STAG1: variants seen among roughly 807,000 people sequenced by gnomAD.
STAG1 encodes STAG1 cohesin complex component.
Under a neutral mutation model 170.9 loss-of-function variants are expected in STAG1, and 26 were observed. The ratio of observed to expected loss-of-function variants is 0.15; its 90% confidence interval spans 0.11 to 0.21. The LOEUF (loss-of-function observed/expected upper bound fraction) is 0.21. Ranked by LOEUF, STAG1 falls within the 10% of genes least tolerant of loss-of-function variation. The probability of loss-of-function intolerance (pLI) is 1.00; values close to 1 mark genes in which losing one functional copy is unlikely to be tolerated. For synonymous variants in STAG1, 514 were observed against 497.7 expected, an observed-to-expected ratio of 1.03 and a Z score of -0.44; for missense variants, 964 against 1,509.5, an observed-to-expected ratio of 0.64 and a Z score of 5.99.
chr3:136,720,793 A>AAAAAAG (rs753869966), intron 1 of STAG1, among the ~76,000 whole-genome samples: 1 of 152,082 alleles, frequency 6.6e-6, no homozygotes, highest in Non-Finnish European at 1.5e-5. Flanking sequence ...CATCTCAAAA[A>AAAAAAG]AAAAAGAAAA....
intron 9 of STAG1, among the ~76,000 whole-genome samples, chr3:136,479,100 A>C (rs1436004016): frequency 1.5e-5 from 2 of 133,684 alleles, no homozygotes; most frequent in African/African-American, 5.5e-5. Context: ...ATTATACTTT[A>C]AGTTTTAGGG....
intron 1 of STAG1, among the ~76,000 whole-genome samples, chr3:136,719,856 A>G (rs1347012311): frequency 3.9e-5 from 6 of 152,192 alleles, no homozygotes; most frequent in Non-Finnish European, 8.8e-5. Flanking sequence ...TTGTAAGGAT[A>G]AATCCAATCC....
At chr3:136,426,672 C>G (rs1243686414) in intron 16 of STAG1, among the ~76,000 whole-genome samples, 1 of 152,176 alleles carries the variant, frequency 6.6e-6, no homozygotes, top group East Asian at 1.9e-4. Flanking sequence ...GGAATGGTGG[C>G]TCACGCCTGT....
chr3:136,362,647 A>C (rs1037293657), intron 26 of STAG1, among the ~76,000 whole-genome samples: 2 of 151,324 alleles, frequency 1.3e-5, no homozygotes, highest in African/African-American at 4.8e-5. Context: ...AAAGAAAAGA[A>C]ATTTATACGG....
chr3:136,398,859 T>C lies in STAG1; in HGVS notation c.2197-30A>G, dbSNP rs750154893. The C allele has an allele frequency of 4.9e-6, 7 of 1,429,650 alleles. 1 individual carries two copies. The South Asian group carries it at 9.8e-5, about 20-fold the overall frequency. 88.6% of individuals were successfully genotyped at this position (1,429,650 alleles called of 1,614,324 possible). A position where few individuals can be genotyped will look rare whatever the true frequency, so the allele number is the denominator to read the frequency against. On this transcript the variant is annotated intron_variant, in intron 21 of 33. Transcript: ENST00000383202. The stretch of plus-strand genomic sequence containing the variant: ...ATCAAATGAAAAAAAATTTTTTTAA[T>C]GAAAAATTCAAAAAAATGAGATCAT...
chr3:136,492,715 A>G (rs988930139), intron 9 of STAG1, among the ~76,000 whole-genome samples: 1 of 152,248 alleles, frequency 6.6e-6, no homozygotes, highest in African/African-American at 2.4e-5. Context: ...GAAGTCCTTC[A>G]AACTGCAAGG....
intron 13 of STAG1, among the ~76,000 whole-genome samples, chr3:136,458,169 T>C (rs1576485352): frequency 6.6e-6 from 1 of 152,212 alleles, no homozygotes; most frequent in Non-Finnish European, 1.5e-5. Flanking sequence ...TTGTTTGTTT[T>C]GTTTTGAGAG....
intron 16 of STAG1, among the ~76,000 whole-genome samples, chr3:136,428,232 C>G (rs1017021517): frequency 6.6e-6 from 1 of 152,156 alleles, no homozygotes; most frequent in African/African-American, 2.4e-5. Flanking sequence ...AAGCTGCTAA[C>G]TCTCAAAAGC....
In STAG1 at chr3:136,411,041, C is replaced by A. The variant is rs188608703; in HGVS notation, c.2196+6844G>T. 2.6e-4 allele frequency among the ~76,000 whole-genome samples: 40 copies of A among 152,092 alleles called. 1 individual carries two copies. Among genetic ancestry groups the A allele is most frequent in the Admixed American group, 2.5e-3 (38 of 15,250 alleles). Reference sequence around the variant, plus strand: ...CTGCACTCCAGCTTGGGCAGACAAGCGGGGAGCTTAAAATAGTACCTTGTA... The same window carrying A: ...CTGCACTCCAGCTTGGGCAGACAAGAGGGGAGCTTAAAATAGTACCTTGTA... On this transcript the variant is annotated intron_variant, in intron 21 of 33. Transcript: ENST00000383202.
chr3:136,505,244 A>T (rs1415899447), intron 7 of STAG1, among the ~76,000 whole-genome samples: 1 of 152,220 alleles, frequency 6.6e-6, no homozygotes, highest in Non-Finnish European at 1.5e-5. Flanking sequence ...TCAGCTCTTA[A>T]GTGGCTTCTT....
chr3:136,503,585 T>C (rs1933596647), intron 7 of STAG1, among the ~76,000 whole-genome samples: 1 of 152,108 alleles, frequency 6.6e-6, no homozygotes, highest in Non-Finnish European at 1.5e-5. Context: ...AATTTCCCCT[T>C]TTTGCTCCTT....
chr3:136,667,137 T>A (rs1941811631), intron 1 of STAG1, among the ~76,000 whole-genome samples: 1 of 152,116 alleles, frequency 6.6e-6, no homozygotes, highest in Admixed American at 6.6e-5. Flanking sequence ...AACATAAGCT[T>A]TAACAAGGTA....
rs532155238 is a variant in STAG1 at position 136,680,817 on chromosome 3, G to C, written c.-83-49836C>G. The stretch of plus-strand genomic sequence containing the variant: ...ATATATATTACATATACCTATATAC[G>C]TATAAAAGTATACATTTATATATAC... On this transcript the variant is annotated intron_variant, in intron 1 of 33. Coordinates refer to ENST00000383202, the MANE Select transcript of STAG1 (RefSeq NM_005862.3). Among the ~76,000 whole-genome samples, 6 of 151,026 alleles carry C rather than the reference G, an allele frequency of 4.0e-5. No individual in the cohort carries two copies. The South Asian group carries it at 1.3e-3, about 32-fold the overall frequency.
At chr3:136,602,031 T>A (rs1938697911) in intron 4 of STAG1, among the ~76,000 whole-genome samples, 2 of 152,096 alleles carry the variant, frequency 1.3e-5, no homozygotes, top group Admixed American at 1.3e-4. Flanking sequence ...TAATACAATA[T>A]GCATGAAAAT....
chr3:136,527,266 A>G (rs1576569051), intron 6 of STAG1, among the ~76,000 whole-genome samples: 1 of 152,126 alleles, frequency 6.6e-6, no homozygotes, highest in South Asian at 2.1e-4. Context: ...CCATAGTCCC[A>G]TATTTCTTGG....
At chr3:136,340,350 G>A (rs747201536) in intron 32 of STAG1, 141 bp downstream of exon 32, 21 of 561,906 alleles carry the variant, frequency 3.7e-5, no homozygotes, top group Admixed American at 2.9e-4. Flanking sequence ...TCGAACTCCC[G>A]ACCTCAGGTG....
At chr3:136,643,658 A>G (rs1940883971) in intron 1 of STAG1, among the ~76,000 whole-genome samples, 1 of 152,150 alleles carries the variant, frequency 6.6e-6, no homozygotes, top group Non-Finnish European at 1.5e-5. Context: ...ACAGGCACAC[A>G]CCACCACACC....
intron 4 of STAG1, among the ~76,000 whole-genome samples, chr3:136,575,455 G>C (rs2107771166): frequency 6.6e-6 from 1 of 152,194 alleles, no homozygotes; most frequent in African/African-American, 2.4e-5. Flanking sequence ...GAACATCTGG[G>C]CTCAAGAAAT....
chr3:136,511,637 G>A (rs1576548179), intron 7 of STAG1, among the ~76,000 whole-genome samples: 1 of 152,132 alleles, frequency 6.6e-6, no homozygotes, highest in East Asian at 1.9e-4. Context: ...CAGACAGTGA[G>A]GTCTAATGGA....
Sources: allele counts gnomAD v4.1 joint callset (sites outside exome capture counted in the v4.1 genomes callset), GRCh38; gene constraint gnomAD v4.1.1; transcripts MANE v1.5; gene names NCBI Gene and HGNC (gene_info 2026-07-23, HGNC 2026-07-21).